The following PTPRD variants were observed in gnomAD, a reference collection of about 807,000 sequenced individuals.
PTPRD encodes the protein receptor-type tyrosine-protein phosphatase delta.
In PTPRD, 34 loss-of-function variants were observed where a neutral mutation model predicts 214.5. The ratio of observed to expected loss-of-function variants is 0.16; its 90% CI spans 0.12 to 0.21. PTPRD has a LOEUF of 0.21. Among genes scored for constraint, PTPRD ranks in the 10% least tolerant of loss-of-function variants. The pLI is 1.00. For synonymous variants in PTPRD, 1,128 were observed against 845.7 expected (o/e 1.33, Z -5.79); for missense variants, 2,545 against 2,398.7 (o/e 1.06, Z -1.27).
intron 2 of PTPRD, among the ~76,000 whole-genome samples, chr9:10,372,556 C>T (rs908548538): frequency 8.6e-5 from 13 of 152,016 alleles, no homozygotes; most frequent in Admixed American, 8.5e-4. Flanking sequence ...ACTTTTCATA[C>T]CCATGACATT....
chr9:8,726,576 A>AAT (rs2098562677), intron 12 of PTPRD, among the ~76,000 whole-genome samples: 1 of 19,348 alleles, frequency 5.2e-5, no homozygotes, highest in African/African-American at 2.1e-4. Context: ...TACTAAAAAA[A>AAT]AAAAAAAAAA....
chr9:9,941,195 G>C (rs1364980061), intron 4 of PTPRD, among the ~76,000 whole-genome samples: 1 of 152,172 alleles, frequency 6.6e-6, no homozygotes, highest in Non-Finnish European at 1.5e-5. Context: ...GGACAAGCTT[G>C]ATTTAGATCA....
Position 8,317,164 on chromosome 9 carries a change from A to C in PTPRD, c.*710T>G. The C allele has an allele frequency of 1.7e-5, 4 of 232,098 alleles. No homozygotes were observed. Among genetic ancestry groups the C allele is most frequent in the Non-Finnish European group, 3.4e-5 (4 of 117,050 alleles). The allele number at this position is 232,098 out of a possible 1,614,324, so 14.4% of individuals were successfully genotyped here. A position where few individuals can be genotyped will look rare whatever the true frequency, so the allele number is the denominator to read the frequency against. On this transcript the variant is annotated 3_prime_UTR_variant, in exon 46 of 46. Coordinates refer to ENST00000381196, the MANE Select transcript of PTPRD (RefSeq NM_002839.4). ...GATTGAGTTTTGCACAAAAATGTGC[A>C]AATTTTCAAATGATTTGATATTTCT...
intron 36 of PTPRD, among the ~76,000 whole-genome samples, chr9:8,393,974 T>C (rs1435180694): frequency 6.6e-6 from 1 of 152,064 alleles, no homozygotes; most frequent in Non-Finnish European, 1.5e-5. Context: ...GAGATTGTGA[T>C]GAGGTGAATG....
chr9:9,447,099 T>G (rs1433223689), intron 8 of PTPRD, among the ~76,000 whole-genome samples: 1 of 152,110 alleles, frequency 6.6e-6, no homozygotes, highest in Non-Finnish European at 1.5e-5. Context: ...TTGTGGAGAA[T>G]AGTGTGGAGA....
intron 10 of PTPRD, among the ~76,000 whole-genome samples, chr9:9,155,192 GGTAAT>G: frequency 6.6e-6 from 1 of 152,218 alleles, no homozygotes; most frequent in African/African-American, 2.4e-5. Context: ...TCTAGAAGTG[GGTAAT>G]GTATCGGCCT....
At chr9:9,257,482 G>A (rs553642221) in intron 9 of PTPRD, among the ~76,000 whole-genome samples, 18 of 151,888 alleles carry the variant, frequency 1.2e-4, no homozygotes, top group African/African-American at 3.1e-4. Flanking sequence ...ACAAAAGTCC[G>A]AATTTTTATA....
chr9:9,923,351 C>T (rs763453365), intron 5 of PTPRD, among the ~76,000 whole-genome samples: 5 of 146,770 alleles, frequency 3.4e-5, no homozygotes, highest in Admixed American at 6.8e-5. Flanking sequence ...AGATGGAAAA[C>T]GACAAAAGAC....
Position 10,142,230 on chromosome 9 carries a change from T to C in PTPRD, c.-544-108440A>G, listed in dbSNP as rs1370575627. Among the ~76,000 whole-genome samples the C allele has an allele frequency of 4.6e-5, 7 of 151,468 alleles. No individual in the cohort carries two copies. In the South Asian group the frequency reaches 6.3e-4, roughly 14 times the overall value. On this transcript the variant is annotated intron_variant, in intron 3 of 45. Coordinates refer to ENST00000381196, the MANE Select transcript of PTPRD (RefSeq NM_002839.4). ...TAGGCATGGGCAAGGACTTCATGTCTAAAACACCAAAAGCAATGGCAACAA... is the reference window on the plus strand; with the variant it reads ...TAGGCATGGGCAAGGACTTCATGTCCAAAACACCAAAAGCAATGGCAACAA...
intron 9 of PTPRD, among the ~76,000 whole-genome samples, chr9:9,371,088 TC>T (rs1205816634): frequency 3.3e-5 from 5 of 150,590 alleles, no homozygotes; most frequent in African/African-American, 4.9e-5. Context: ...TTTGTTTTTT[TC>T]TCTGCCAGCC....
rs368936242 is a variant in PTPRD, at chr9:9,253,811, T to C, written c.-202-70448A>G. The stretch of plus-strand genomic sequence containing the variant: ...AACAAATTATCACAAACTTGGTAAG[T>C]TAAAACAGCAGAAGTTTATTCTCTT... On this transcript the variant is annotated intron_variant, in intron 9 of 45. Coordinates refer to ENST00000381196, the MANE Select transcript of PTPRD (RefSeq NM_002839.4). Among the ~76,000 whole-genome samples the C allele has an allele frequency of 3.7e-4, 56 of 152,220 alleles. No individual in the cohort carries two copies. The South Asian group carries it at 0.012, about 32-fold the overall frequency.
intron 11 of PTPRD, among the ~76,000 whole-genome samples, chr9:8,914,099 G>T (rs1191570940): frequency 6.6e-6 from 1 of 152,106 alleles, no homozygotes; most frequent in Non-Finnish European, 1.5e-5. Context: ...AAGAAAAGAA[G>T]CATGATTCAT....
chr9:9,832,895 T>G (rs2055382279), intron 5 of PTPRD, among the ~76,000 whole-genome samples: 1 of 98,190 alleles, frequency 1.0e-5, no homozygotes, highest in South Asian at 3.6e-4. Flanking sequence ...TTTTCTATGT[T>G]TTTTTTTTTC....
chr9:10,049,760 T>C (rs2097492001), intron 3 of PTPRD, among the ~76,000 whole-genome samples: 2 of 152,176 alleles, frequency 1.3e-5, no homozygotes, highest in South Asian at 4.1e-4. Context: ...CAGTGCTACC[T>C]GTAAATATTC....
Position 8,317,731 on chromosome 9 carries a change from A to T in PTPRD, c.*143T>A. ...GGTCCACCTGGAATAATTTGTTTTTAATTTGTTTTGTGTGTAATAGTCCCA... is the reference window on the plus strand; with the variant it reads ...GGTCCACCTGGAATAATTTGTTTTTTATTTGTTTTGTGTGTAATAGTCCCA... On this transcript the variant is annotated 3_prime_UTR_variant, in exon 46 of 46. Transcript: ENST00000381196. 1 of 610,428 alleles carries T rather than the reference A, an allele frequency of 1.6e-6. No homozygotes were observed. The highest frequency in any genetic ancestry group is 2.9e-6 in the Non-Finnish European group (1 of 343,120). 37.8% of individuals were successfully genotyped at this position (610,428 alleles called of 1,614,324 possible).
At chr9:9,810,443 C>G (rs2046797254) in intron 5 of PTPRD, among the ~76,000 whole-genome samples, 1 of 151,942 alleles carries the variant, frequency 6.6e-6, no homozygotes, top group Non-Finnish European at 1.5e-5. Context: ...TAGGTTGAAT[C>G]CAATGCTGAT....
chr9:9,127,045 G>C (rs1408976879), intron 10 of PTPRD, among the ~76,000 whole-genome samples: 1 of 151,066 alleles, frequency 6.6e-6, no homozygotes, highest in East Asian at 1.9e-4. Flanking sequence ...ATGTACACAT[G>C]CACAAGGAAC....
chr9:9,488,810 C>T (rs148677378), intron 8 of PTPRD, among the ~76,000 whole-genome samples: 98 of 152,214 alleles, frequency 6.4e-4, no homozygotes, highest in African/African-American at 2.3e-3. Context: ...CACTCATTCT[C>T]CACCCCTAGC....
Position 8,484,104 on chromosome 9 carries a change from C to G in PTPRD, c.3413+15G>C, listed in dbSNP as rs1490828416. On this transcript the variant is annotated intron_variant, in intron 30 of 45. Coordinates refer to ENST00000381196, the MANE Select transcript of PTPRD (RefSeq NM_002839.4). ...ATAATTCTTTCCTTCAGCCCTAAGCCTTCAATCAACTTACTTTATATTCTC... is the reference window on the plus strand; with the variant it reads ...ATAATTCTTTCCTTCAGCCCTAAGCGTTCAATCAACTTACTTTATATTCTC... The G allele has an allele frequency of 3.2e-5, 52 of 1,609,498 alleles. No homozygotes were observed. Among genetic ancestry groups the G allele is most frequent in the Non-Finnish European group, 4.4e-5 (52 of 1,176,418 alleles).
Sources: gnomAD v4.1 joint callset for allele counts (sites outside exome capture counted in the v4.1 genomes callset) on GRCh38, gnomAD v4.1.1 for gene constraint, MANE v1.5 for transcripts, NCBI Gene and HGNC (gene_info 2026-07-23, HGNC 2026-07-21) for gene names.